LRRC37A2: variants seen among roughly 807,000 people sequenced by gnomAD.
LRRC37A2 encodes the protein leucine-rich repeat-containing protein 37A2.
Under a neutral mutation model 68.8 loss-of-function variants are expected in LRRC37A2, and 9 were observed. That is an observed-to-expected ratio of 0.13 (90% CI 0.08 to 0.23). The LOEUF (loss-of-function observed/expected upper bound fraction) is 0.23, where lower values mean the gene tolerates loss of function less well. Among genes scored for constraint, LRRC37A2 ranks in the 10% least tolerant of loss-of-function variants. The probability of loss-of-function intolerance (pLI) is 1.00; values close to 1 mark genes in which losing one functional copy is unlikely to be tolerated. For missense variants in LRRC37A2, 168 were observed against 950.4 expected (o/e 0.18, Z 10.82); for synonymous variants, 63 against 367.6 (o/e 0.17, Z 9.48).
the LRRC37A2 span, among the ~76,000 whole-genome samples, chr17:46,635,777 A>ATGTGTGTGTGTGTGTGTGTGTGTG: frequency 2.4e-4 from 28 of 116,784 alleles, no homozygotes; most frequent in East Asian, 2.4e-3. Flanking sequence ...GGGAAAATAA[A>ATGTGTGTGTGTGTGTGTGTGTGTG]TGTGTGTGTG....
At chr17:46,968,886 G>A in the LRRC37A2 span, 1 of 152,268 alleles carries the variant, frequency 6.6e-6, no homozygotes, top group Non-Finnish European at 1.5e-5. Flanking sequence ...ATTGGTCTGG[G>A]GTGCAACCCC....
At chr17:46,948,040 G>A in the LRRC37A2 span, among the ~76,000 whole-genome samples, 2 of 152,260 alleles carry the variant, frequency 1.3e-5, no homozygotes, top group Middle Eastern at 3.4e-3. Flanking sequence ...CAAAGTGCTG[G>A]GATTACAGAC....
At chr17:46,784,960 G>A in the LRRC37A2 span, among the ~76,000 whole-genome samples, 15 of 152,052 alleles carry the variant, frequency 9.9e-5, no homozygotes, top group Admixed American at 7.2e-4. Flanking sequence ...GTATTTTTTA[G>A]TAGAGACGGG....
At chr17:46,886,930 C>G in the LRRC37A2 span, among the ~76,000 whole-genome samples, 1 of 152,186 alleles carries the variant, frequency 6.6e-6, no homozygotes, top group Non-Finnish European at 1.5e-5. Context: ...AATTCTCCTG[C>G]CTCAGCCTCC....
At chr17:46,987,478 GA>G in the LRRC37A2 span, among the ~76,000 whole-genome samples, 5 of 152,142 alleles carry the variant, frequency 3.3e-5, no homozygotes, top group African/African-American at 1.2e-4. Flanking sequence ...TTTACAATAA[GA>G]AAAAAATTAT....
At chr17:46,909,259 G>A in the LRRC37A2 span, among the ~76,000 whole-genome samples, 42 of 152,246 alleles carry the variant, frequency 2.8e-4, no homozygotes, top group Non-Finnish European at 4.9e-4. Flanking sequence ...TTGAACTCCT[G>A]GGCTCAAGCA....
the LRRC37A2 span, among the ~76,000 whole-genome samples, chr17:46,918,172 C>A: frequency 2.4e-4 from 36 of 152,294 alleles, no homozygotes; most frequent in African/African-American, 8.4e-4. Context: ...CTCCGCCTCC[C>A]GGGTTCAAGC....
chr17:46,621,478 C>T, the LRRC37A2 span, among the ~76,000 whole-genome samples: 1 of 101,450 alleles, frequency 9.9e-6, no homozygotes, highest in South Asian at 3.7e-4. Flanking sequence ...TTAGTAGAGA[C>T]GGGGCTTCAC....
At chr17:46,816,836 C>T in the LRRC37A2 span, among the ~76,000 whole-genome samples, 1 of 152,142 alleles carries the variant, frequency 6.6e-6, no homozygotes, top group East Asian at 1.9e-4. Flanking sequence ...GAAAGCAAGG[C>T]GAAAAACGGC....
the LRRC37A2 span, among the ~76,000 whole-genome samples, chr17:47,007,136 T>C: frequency 6.6e-6 from 1 of 152,196 alleles, no homozygotes; most frequent in Non-Finnish European, 1.5e-5. Flanking sequence ...AGAAACCTGC[T>C]CTTTGAGGCT....
At chr17:46,493,728 G>T in the LRRC37A2 span, among the ~76,000 whole-genome samples, 1 of 149,850 alleles carries the variant, frequency 6.7e-6, no homozygotes, top group South Asian at 2.1e-4. Context: ...TAGTAGAGAC[G>T]GGGTTTCACC....
At chr17:46,776,578 C>T in the LRRC37A2 span, among the ~76,000 whole-genome samples, 4 of 152,190 alleles carry the variant, frequency 2.6e-5, no homozygotes, top group Non-Finnish European at 5.9e-5. Context: ...TTGAGCCTCC[C>T]TCTGGGCTCA....
chr17:46,602,606 G>C, the LRRC37A2 span: 1 of 55,874 alleles, frequency 1.8e-5, no homozygotes, highest in Non-Finnish European at 3.2e-5. Flanking sequence ...GCATTGGTGG[G>C]TTTTTAAAAA....
chr17:46,485,933 G>A, the LRRC37A2 span, among the ~76,000 whole-genome samples: 2 of 82,892 alleles, frequency 2.4e-5, no homozygotes, highest in Admixed American at 1.2e-4. Flanking sequence ...GTCCGAGATC[G>A]CGCCACTGCA....
chr17:46,900,927 G>T, the LRRC37A2 span, among the ~76,000 whole-genome samples: 1 of 152,186 alleles, frequency 6.6e-6, no homozygotes, highest in Admixed American at 6.5e-5. Context: ...TTACATTCTA[G>T]TGGGGAGGGG....
chr17:46,728,625 T>C, the LRRC37A2 span, among the ~76,000 whole-genome samples: 1 of 152,088 alleles, frequency 6.6e-6, no homozygotes, highest in African/African-American at 2.4e-5. Context: ...TAAGAGTTCT[T>C]ATATTTTAAG....
the LRRC37A2 span, among the ~76,000 whole-genome samples, chr17:46,872,266 G>C: frequency 6.6e-6 from 1 of 152,184 alleles, no homozygotes; most frequent in African/African-American, 2.4e-5. Context: ...TGGGCCAATA[G>C]GGAAATAGGA....
chr17:47,032,506 A>G, the LRRC37A2 span, among the ~76,000 whole-genome samples: 1 of 152,176 alleles, frequency 6.6e-6, no homozygotes, highest in African/African-American at 2.4e-5. Flanking sequence ...AATGATGACA[A>G]TTTGGCTTTG....
the LRRC37A2 span, among the ~76,000 whole-genome samples, chr17:46,493,516 ATTC>A: frequency 8.7e-6 from 1 of 115,414 alleles, no homozygotes; most frequent in Non-Finnish European, 1.8e-5. Context: ...CTTTATTGTT[ATTC>A]TTCTTTTATT....
Sources: allele counts gnomAD v4.1 joint callset (sites outside exome capture counted in the v4.1 genomes callset), GRCh38; gene constraint gnomAD v4.1.1; transcripts MANE v1.5; gene names NCBI Gene and HGNC (gene_info 2026-07-23, HGNC 2026-07-21).